SCML4: variants seen among roughly 807,000 people sequenced by gnomAD.
SCML4 encodes sex comb on midleg-like protein 4.
In SCML4, 34 loss-of-function variants were observed where a neutral mutation model predicts 41.1. The observed-to-expected ratio is 0.83, with a 90% confidence interval of 0.63 to 1.10. SCML4 has a LOEUF of 1.10. SCML4 is among the 50% of genes least tolerant of loss of function. SCML4 has a pLI of 0.00. For synonymous variants in SCML4, 214 were observed against 220.9 expected (o/e 0.97, Z 0.28); for missense variants, 522 against 534.1 (o/e 0.98, Z 0.22).
intron 1 of SCML4, among the ~76,000 whole-genome samples, chr6:107,781,106 C>T (rs1333846879): frequency 6.6e-6 from 1 of 152,044 alleles, no homozygotes; most frequent in Non-Finnish European, 1.5e-5. Context: ...GTATTTTGTT[C>T]TGTTGAGTAC....
chr6:107,841,039 C>T, the SCML4 span, among the ~76,000 whole-genome samples: 1 of 152,076 alleles, frequency 6.6e-6, no homozygotes, highest in Non-Finnish European at 1.5e-5. Flanking sequence ...ACATCTCTCC[C>T]CACCTACCTG....
At position 107,720,774 on chromosome 6, in the gene SCML4, G is replaced by A. The variant is rs757663027; in HGVS notation, c.902C>T (p.Ser301Leu). ...RTSPMSSGGP[S>L]APGLRPPASS... Reference sequence around the variant, plus strand: ...GGCTGGAGGCCTCAGCCCAGGTGCCGAGGGGCCACCAGAAGACATGGGGCT... The same window carrying A: ...GGCTGGAGGCCTCAGCCCAGGTGCCAAGGGGCCACCAGAAGACATGGGGCT... The change falls in exon 6 of 8, where the codon TCG becomes TTG. Residue 301 changes from serine (S) to leucine (L), a missense_variant. By Grantham distance (145) the Ser-to-Leu change is moderately radical. Coordinates refer to ENST00000369020, the MANE Select transcript of SCML4 (RefSeq NM_198081.5). The A allele has an allele frequency of 3.8e-5, 62 of 1,612,674 alleles. No homozygotes were observed. The highest frequency in any genetic ancestry group is 1.0e-4 in the Admixed American group (6 of 59,816).
At chr6:107,761,690 G>A (rs1043583003) in intron 2 of SCML4, among the ~76,000 whole-genome samples, 8 of 152,026 alleles carry the variant, frequency 5.3e-5, no homozygotes, top group Non-Finnish European at 5.9e-5. Flanking sequence ...GCCCGCCTTG[G>A]CCTCCCAAAG....
intron 6 of SCML4, among the ~76,000 whole-genome samples, chr6:107,708,314 C>A (rs1728118): frequency 0.69 from 105,442 of 151,866 alleles, 37,077 homozygotes; most frequent in Admixed American, 0.79. Context: ...TTCCCACCCT[C>A]GTTGGAGTTT....
chr6:107,741,691 T>C (rs932837428), intron 5 of SCML4, among the ~76,000 whole-genome samples: 1 of 152,232 alleles, frequency 6.6e-6, no homozygotes, highest in Non-Finnish European at 1.5e-5. Flanking sequence ...ACCTTCTGCA[T>C]TTGGAAAGGG....
intron 1 of SCML4, among the ~76,000 whole-genome samples, chr6:107,807,633 A>C (rs1446025684): frequency 1.3e-5 from 2 of 152,240 alleles, no homozygotes; most frequent in Non-Finnish European, 2.9e-5. Flanking sequence ...TGTTATTGTC[A>C]TATTTATTAG....
intron 1 of SCML4, among the ~76,000 whole-genome samples, chr6:107,802,901 G>A (rs973584836): frequency 2.0e-4 from 31 of 152,016 alleles, no homozygotes; most frequent in African/African-American, 6.8e-4. Flanking sequence ...GCGCCGCCAC[G>A]CCTGACTGGT....
chr6:107,763,327 T>C (rs1779762648), intron 2 of SCML4, among the ~76,000 whole-genome samples: 1 of 152,062 alleles, frequency 6.6e-6, no homozygotes, highest in African/African-American at 2.4e-5. Context: ...TGGGAGGTAC[T>C]TAGGTTTACA....
rs756009783 is a variant in SCML4 at position 107,703,442 on chromosome 6, G to A, written c.*1758C>T. ...TCTCTGCCATGCTCTCAGTCCAGCC[G>A]CCATTTGTGTGTCTGAAAAGGAGGC... On this transcript the variant is annotated 3_prime_UTR_variant, in exon 8 of 8. Coordinates refer to ENST00000369020, the MANE Select transcript of SCML4 (RefSeq NM_198081.5). Among the ~76,000 whole-genome samples the A allele has an allele frequency of 1.6e-4, 25 of 152,138 alleles. No individual in the cohort carries two copies. Among genetic ancestry groups the A allele is most frequent in the Non-Finnish European group, 2.9e-4 (20 of 68,036 alleles).
chr6:107,744,094 G>A (rs1777838325), intron 5 of SCML4: 1 of 152,216 alleles, frequency 6.6e-6, no homozygotes. Context: ...CTGGATTCCA[G>A]TTGTACTGCC....
At chr6:107,825,169 C>T (rs971518701), upstream of SCML4, among the ~76,000 whole-genome samples, 2 of 152,196 alleles carry the variant, frequency 1.3e-5, no homozygotes, top group Non-Finnish European at 2.9e-5. Context: ...TAAAGTGGAG[C>T]AGGGCTCCCC....
intron 1 of SCML4, among the ~76,000 whole-genome samples, chr6:107,781,417 C>A (rs558698793): frequency 6.6e-6 from 1 of 152,050 alleles, no homozygotes; most frequent in African/African-American, 2.4e-5. Context: ...GAGGCCGAGG[C>A]GGGTGGATTG....
chr6:107,767,004 G>A (rs1219298925), intron 2 of SCML4, among the ~76,000 whole-genome samples: 8 of 149,714 alleles, frequency 5.3e-5, no homozygotes, highest in Admixed American at 1.3e-4. Flanking sequence ...AGGCTGGAGC[G>A]CAGTGGCATG....
At chr6:107,796,338 C>T (rs946623181) in intron 1 of SCML4, among the ~76,000 whole-genome samples, 11 of 152,160 alleles carry the variant, frequency 7.2e-5, no homozygotes, top group African/African-American at 2.7e-4. Context: ...AGCTGTCAGT[C>T]TTTCATTTTA....
intron 5 of SCML4, among the ~76,000 whole-genome samples, chr6:107,737,015 C>T (rs1777139598): frequency 6.6e-6 from 1 of 152,226 alleles, no homozygotes; most frequent in Non-Finnish European, 1.5e-5. Context: ...CAGAATAGTT[C>T]AACTCTCACA....
chr6:107,757,197 C>G (rs1411054665), intron 2 of SCML4, among the ~76,000 whole-genome samples: 1 of 152,100 alleles, frequency 6.6e-6, no homozygotes, highest in Non-Finnish European at 1.5e-5. Context: ...CTGGCTCCAG[C>G]TGTCATTTAG....
chr6:107,830,709 G>T, the SCML4 span, among the ~76,000 whole-genome samples: 2 of 152,132 alleles, frequency 1.3e-5, no homozygotes, highest in African/African-American at 2.4e-5. Context: ...TCCCACAGAA[G>T]TGATTGGTGT....
At chr6:107,759,989 T>C (rs530591860) in intron 2 of SCML4, among the ~76,000 whole-genome samples, 1 of 152,310 alleles carries the variant, frequency 6.6e-6, no homozygotes, top group East Asian at 1.9e-4. Context: ...ACTCAGCTCC[T>C]CTAAGCTTCA....
At chr6:107,742,254 A>G (rs187471105) in intron 5 of SCML4, among the ~76,000 whole-genome samples, 1 of 152,174 alleles carries the variant, frequency 6.6e-6, no homozygotes, top group Non-Finnish European at 1.5e-5. Flanking sequence ...AAAAAGGAAA[A>G]AGGATGAGAA....
Sources: gnomAD v4.1 joint callset for allele counts (sites outside exome capture counted in the v4.1 genomes callset) on GRCh38, gnomAD v4.1.1 for gene constraint, MANE v1.5 for transcripts, NCBI Gene and HGNC (gene_info 2026-07-23, HGNC 2026-07-21) for gene names.